The following ANKRD50 variants were observed in gnomAD, a reference collection of about 807,000 sequenced individuals.
ANKRD50 encodes the protein ankyrin repeat domain 50.
ANKRD50 carries 40 observed loss-of-function variants against 112.0 expected under a neutral mutation model. That is an observed-to-expected ratio of 0.36 (90% confidence interval 0.28 to 0.46). ANKRD50 has a LOEUF of 0.46. Ranked by LOEUF, ANKRD50 falls within the 20% of genes least tolerant of loss-of-function variation. The pLI, the probability that ANKRD50 is intolerant of heterozygous loss-of-function variation, is 1.00. For synonymous variants in ANKRD50, 613 were observed against 619.1 expected (o/e 0.99, Z 0.15); for missense variants, 1,487 against 1,701.7 (o/e 0.87, Z 2.22).
Position 124,672,481 on chromosome 4 carries a change from C to G in ANKRD50, c.796G>C (p.Val266Leu). The G allele has an allele frequency of 6.2e-7, 1 of 1,609,566 alleles. No individual in the cohort carries two copies. Among genetic ancestry groups the G allele is most frequent in the Non-Finnish European group, 8.5e-7 (1 of 1,178,394 alleles). ...DLRKAYIVKD[V>L]QQYILHRLDQ... Reference sequence around the variant, plus strand: ...AAACGATGAAGAATGTACTGCTGAACATCCTTGACGATATATGCCTTCCGA... The same window carrying G: ...AAACGATGAAGAATGTACTGCTGAAGATCCTTGACGATATATGCCTTCCGA... Residue 266 changes from valine to leucine, a missense_variant, in exon 4 of 5, where the codon GTT becomes CTT. Physicochemically the swap from Val to Leu is conservative, Grantham distance 32 (BLOSUM62 1). Transcript: ENST00000504087.
Position 124,672,223 on chromosome 4 carries a change from G to T in ANKRD50, c.1054C>A (p.Pro352Thr), listed in dbSNP as rs1730677995. 6.2e-7 allele frequency: 1 copy of T among 1,613,760 alleles called. No homozygotes were observed. The highest frequency in any genetic ancestry group is 8.5e-7 in the Non-Finnish European group (1 of 1,179,830). The change falls in exon 4 of 5, where the codon CCT becomes ACT. Residue 352 changes from proline (P) to threonine (T), a missense_variant. This residue lies in a region of ANKRD50 where 1,046 missense variants were observed against 1,269.5 expected (regional missense o/e 0.82). Coordinates refer to ENST00000504087, the MANE Select transcript of ANKRD50 (RefSeq NM_020337.3). ...FVRKQFAKVQPILNVILAACR... is the reference protein window; with the variant it reads ...FVRKQFAKVQTILNVILAACR... ...GCTGCAAGAATCACATTCAAAATAG[G>T]CTGAACCTTTGCAAATTGTTTTCTT...
chr4:124,666,488 T>C lies in ANKRD50; in HGVS notation c.*1030A>G, dbSNP rs545116946. ...AACCAAACCATTAAAATTAATCCAA[T>C]TGATTTTGAGTGGGGCTATTTTGGT... On this transcript the variant is annotated 3_prime_UTR_variant, in exon 5 of 5. Transcript: ENST00000504087. The C allele has an allele frequency of 2.6e-5, 4 of 152,474 alleles. No individual in the cohort carries two copies. Among genetic ancestry groups the C allele is most frequent in the African/African-American group, 7.2e-5 (3 of 41,536 alleles). The allele number at this position is 152,474 out of a possible 1,614,324, so 9.4% of individuals were successfully genotyped here. A position where few individuals can be genotyped will look rare whatever the true frequency, so the allele number is the denominator to read the frequency against.
chr4:124,693,256 T>C (rs1159222873), intron 2 of ANKRD50, among the ~76,000 whole-genome samples: 5 of 152,190 alleles, frequency 3.3e-5, no homozygotes, highest in African/African-American at 9.6e-5. Context: ...TTGTAACTTT[T>C]AAGGTCTTGT....
At position 124,672,328 on chromosome 4, in the gene ANKRD50, A is replaced by C. The variant is rs1284440773; in HGVS notation, c.949T>G (p.Phe317Val). The part of the protein sequence containing the change: ...ERVLDGVVEN[F>V]IMLREIRDIP... ...TCACGAATTTCTCTTAACATAATAA[A>C]ATTTTCTACAACTCCATCTAAAACT... The change falls in exon 4 of 5, where the codon TTT (phenylalanine) becomes GTT (valine). Residue 317 changes from phenylalanine (F) to valine (V), a missense_variant. By Grantham distance (50) the Phe-to-Val change is conservative (BLOSUM62 -1). Transcript: ENST00000504087. 6.2e-7 allele frequency: 1 copy of C among 1,613,354 alleles called. No homozygotes were observed. The highest frequency in any genetic ancestry group is 8.5e-7 in the Non-Finnish European group (1 of 1,179,734).
intron 3 of ANKRD50, 71 bp downstream of exon 3, chr4:124,678,605 T>C: frequency 7.2e-7 from 1 of 1,394,684 alleles, no homozygotes; most frequent in Non-Finnish European, 1.0e-6. Flanking sequence ...TTCAACTGCA[T>C]ACTTTTTCCT....
Position 124,705,051 on chromosome 4 carries a change from G to A in ANKRD50, c.512+4949C>T, listed in dbSNP as rs775796998. Among the ~76,000 whole-genome samples, 11 of 151,944 alleles carry A rather than the reference G, an allele frequency of 7.2e-5. No individual in the cohort carries two copies. The East Asian group carries it at 7.7e-4, about 11-fold the overall frequency. On this transcript the variant is annotated intron_variant, in intron 2 of 4. Coordinates refer to ENST00000504087, the MANE Select transcript of ANKRD50 (RefSeq NM_020337.3). ...GGAGCTTGTAGTGAGCCAAGATCAC[G>A]CCACTGCACTCCAGCCTGGGTAACA...
intron 2 of ANKRD50, among the ~76,000 whole-genome samples, chr4:124,708,319 T>C (rs1478568423): frequency 6.6e-6 from 1 of 152,130 alleles, no homozygotes; most frequent in Non-Finnish European, 1.5e-5. Flanking sequence ...AACTAACAGA[T>C]TTCCTCATTA....
Position 124,665,347 on chromosome 4 carries a change from T to G in ANKRD50, c.*2171A>C, listed in dbSNP as rs973612209. ...TATATAGTATGGATATGAAAACAGT[T>G]AGCTCTTTGAAAAACATAAATCCCT... On this transcript the variant is annotated 3_prime_UTR_variant, in exon 5 of 5. Transcript: ENST00000504087. 18 of 152,504 alleles carry G rather than the reference T, an allele frequency of 1.2e-4. No homozygotes were observed. Among genetic ancestry groups the G allele is most frequent in the African/African-American group, 3.9e-4 (16 of 41,544 alleles). 9.4% of individuals were successfully genotyped at this position (152,504 alleles called of 1,614,324 possible). A position where few individuals can be genotyped will look rare whatever the true frequency, so the allele number is the denominator to read the frequency against.
Position 124,670,000 on chromosome 4 carries a change from T to C in ANKRD50, c.3277A>G (p.Ile1093Val), listed in dbSNP as rs1399376737. ...RVAAKNGHSQ[I>V]IKLLEKYGAS... ...CCATATTTTTCTAATAATTTAATTA[T>C]CTGAGAATGTCCATTTTTGGCTGCA... The change falls in exon 4 of 5, where the codon ATA becomes GTA. Residue 1093 changes from isoleucine (I) to valine (V), a missense_variant. Physicochemically the swap from Ile to Val is conservative, Grantham distance 29 (BLOSUM62 3). Around this residue, in one of 2 missense-constraint regions of ANKRD50, gnomAD observed 441 missense variants for 432.2 expected, o/e 1.02. Coordinates refer to ENST00000504087, the MANE Select transcript of ANKRD50 (RefSeq NM_020337.3). 3 of 1,610,248 alleles carry C rather than the reference T, an allele frequency of 1.9e-6. No individual in the cohort carries two copies. Among genetic ancestry groups the C allele is most frequent in the South Asian group, 1.1e-5 (1 of 90,140 alleles).
At chr4:124,679,121 T>G (rs1355699339) in intron 2 of ANKRD50, among the ~76,000 whole-genome samples, 4 of 151,858 alleles carry the variant, frequency 2.6e-5, no homozygotes, top group Non-Finnish European at 1.5e-5. Flanking sequence ...CAATCAAGAG[T>G]AGGTGGGTGT....
chr4:124,670,953 T>C lies in ANKRD50; in HGVS notation c.2324A>G (p.Asp775Gly), dbSNP rs1235500860. ...TGTACGGCCATTGTTATCTGTGTGATCTACATCTGCTCCCCCTTCTAGAAG... is the reference window on the plus strand; with the variant it reads ...TGTACGGCCATTGTTATCTGTGTGACCTACATCTGCTCCCCCTTCTAGAAG... ...DLLLEGGADV[D>G]HTDNNGRTPL... is the part of the protein sequence containing the mutation. Residue 775 changes from aspartate (D) to glycine (G), a missense_variant, in exon 4 of 5, where the codon GAT (aspartate) becomes GGT (glycine). Around this residue, in one of 2 missense-constraint regions of ANKRD50, gnomAD observed 1,046 missense variants for 1,269.5 expected, o/e 0.82. Transcript: ENST00000504087. 1 of 1,613,890 alleles carries C rather than the reference T, an allele frequency of 6.2e-7. No individual in the cohort carries two copies. The highest frequency in any genetic ancestry group is 2.2e-5 in the East Asian group (1 of 44,844).
At position 124,691,655 on chromosome 4, in the gene ANKRD50, C is replaced by G. The variant is rs530092712; in HGVS notation, c.513-12750G>C. On this transcript the variant is annotated intron_variant, in intron 2 of 4. Transcript: ENST00000504087. ...AAGGATTTCCCATTTCTGCTCTAAA[C>G]AGTACACTTAAAACATTCTGATGTC... Among the ~76,000 whole-genome samples, 19 of 152,158 alleles carry G rather than the reference C, an allele frequency of 1.2e-4. No homozygotes were observed. The East Asian group carries it at 1.7e-3, about 14-fold the overall frequency.
chr4:124,668,921 G>C, intron 4 of ANKRD50, 63 bp downstream of exon 4: 1 of 1,445,980 alleles, frequency 6.9e-7, no homozygotes. Context: ...TCAAGGAAAA[G>C]AGCATTCCAA....
rs1725610989 is a variant in ANKRD50 at position 124,710,740 on chromosome 4, C to T, written c.-229G>A. The T allele has an allele frequency of 1.8e-6, 1 of 544,496 alleles. No individual in the cohort carries two copies. Among genetic ancestry groups the T allele is most frequent in the Non-Finnish European group, 3.2e-6 (1 of 309,904 alleles). The allele number at this position is 544,496 out of a possible 1,614,324, so 33.7% of individuals were successfully genotyped here. A position where few individuals can be genotyped will look rare whatever the true frequency, so the allele number is the denominator to read the frequency against. ...TAGTTGTTGAACTGAGGGAGAAACG[C>T]CTGATTCCACAGCTCAGCAACACTT... On this transcript the variant is annotated 5_prime_UTR_variant, in exon 2 of 5. Coordinates refer to ENST00000504087, the MANE Select transcript of ANKRD50 (RefSeq NM_020337.3).
intron 2 of ANKRD50, among the ~76,000 whole-genome samples, chr4:124,682,308 G>T: frequency 8.4e-6 from 1 of 118,700 alleles, no homozygotes; most frequent in African/African-American, 3.3e-5. Flanking sequence ...GGGCGACAGA[G>T]CAAGACTCCG....
Position 124,665,993 on chromosome 4 carries a change from A to G in ANKRD50, c.*1525T>C, listed in dbSNP as rs898814238. 6 of 152,076 alleles carry G rather than the reference A, an allele frequency of 3.9e-5. No individual in the cohort carries two copies. The highest frequency in any genetic ancestry group is 1.2e-4 in the African/African-American group (5 of 41,448). 9.4% of individuals were successfully genotyped at this position (152,076 alleles called of 1,614,324 possible). ...GGACATATTCTAAAGATTTTGTTCT[A>G]GAAGTAGCAATGGTTTTGTGCTGAA... On this transcript the variant is annotated 3_prime_UTR_variant, in exon 5 of 5. Coordinates refer to ENST00000504087, the MANE Select transcript of ANKRD50 (RefSeq NM_020337.3).
intron 2 of ANKRD50, among the ~76,000 whole-genome samples, chr4:124,688,784 A>G (rs1725064950): frequency 6.6e-6 from 1 of 152,140 alleles, no homozygotes; most frequent in Non-Finnish European, 1.5e-5. Flanking sequence ...GAATCAAACT[A>G]TAGGATTCTG....
At chr4:124,686,956 C>T (rs1344248632) in intron 2 of ANKRD50, among the ~76,000 whole-genome samples, 1 of 152,112 alleles carries the variant, frequency 6.6e-6, no homozygotes, top group Non-Finnish European at 1.5e-5. Context: ...AAACTAGGCC[C>T]ATTTCCAGGT....
rs2110503620 is a variant in ANKRD50 at position 124,665,544 on chromosome 4, A to T, written c.*1974T>A. 1 of 152,578 alleles carries T rather than the reference A, an allele frequency of 6.6e-6. No homozygotes were observed. Among genetic ancestry groups the T allele is most frequent in the Non-Finnish European group, 1.5e-5 (1 of 67,908 alleles). 9.5% of individuals were successfully genotyped at this position (152,578 alleles called of 1,614,324 possible). The stretch of plus-strand genomic sequence containing the variant: ...TAGAAATTAGAGCTTCATCCTCTAC[A>T]GTAATGTAAATGTACTGTATTTGAG... On this transcript the variant is annotated 3_prime_UTR_variant, in exon 5 of 5. Coordinates refer to ENST00000504087, the MANE Select transcript of ANKRD50 (RefSeq NM_020337.3).
Sources: allele counts gnomAD v4.1 joint callset (sites outside exome capture counted in the v4.1 genomes callset), GRCh38; gene constraint gnomAD v4.1.1; regional missense constraint gnomAD v4.1.1; transcripts MANE v1.5; gene names NCBI Gene and HGNC (gene_info 2026-07-23, HGNC 2026-07-21).